Variants in EFNB2 observed in about 807,000 individuals in gnomAD.
EFNB2 encodes ephrin B2.
Under a neutral mutation model 32.1 loss-of-function variants are expected in EFNB2, and 5 were observed. That is an observed-to-expected ratio of 0.16 (90% CI 0.08 to 0.33). The LOEUF is 0.33. Ranked by LOEUF, EFNB2 falls within the 10% of genes least tolerant of loss-of-function variation. The probability of loss-of-function intolerance (pLI) is 1.00; values close to 1 mark genes in which losing one functional copy is unlikely to be tolerated. For missense variants in EFNB2, 263 were observed against 422.6 expected (o/e 0.62, Z 3.31); for synonymous variants, 168 against 166.5 (o/e 1.01, Z -0.07).
chr13:106,516,601 T>C (rs1879320166), intron 1 of EFNB2: 1 of 151,266 alleles, frequency 6.6e-6, no homozygotes, highest in Admixed American at 6.6e-5. Context: ...GGGAAACACA[T>C]TTTTTTCCCC....
chr13:106,522,186 T>G lies in EFNB2; in HGVS notation c.123-9374A>C, dbSNP rs542433457. On this transcript the variant is annotated intron_variant, in intron 1 of 4. Coordinates refer to ENST00000646441, the MANE Select transcript of EFNB2 (RefSeq NM_004093.4). ...AGTGGGCAAGTGAGAAGGGGGGTGA[T>G]CTCACAAATGCCAAATTTCATCCTG... Among the ~76,000 whole-genome samples, 90 of 152,170 alleles carry G rather than the reference T, an allele frequency of 5.9e-4. No individual in the cohort carries two copies. The Middle Eastern group carries it at 0.024, about 40-fold the overall frequency.
intron 4 of EFNB2, 101 bp downstream of exon 4, chr13:106,494,780 C>A: frequency 2.3e-6 from 2 of 859,900 alleles, no homozygotes; most frequent in Non-Finnish European, 3.8e-6. Context: ...TCCAGCTAAT[C>A]CTAACTGGTT....
rs1438993866 is a variant in EFNB2 at position 106,535,081 on chromosome 13, C to A, written c.-117G>T. 5 of 1,432,160 alleles carry A rather than the reference C, an allele frequency of 3.5e-6. No individual in the cohort carries two copies. Among genetic ancestry groups the A allele is most frequent in the Non-Finnish European group, 4.7e-6 (5 of 1,073,594 alleles). The allele number at this position is 1,432,160 out of a possible 1,614,324, so 88.7% of individuals were successfully genotyped here. On this transcript the variant is annotated 5_prime_UTR_variant, in exon 1 of 5. Transcript: ENST00000646441. Reference sequence around the variant, plus strand: ...GGGGAAGACGGCGTGCGCCCGCAGGCAGCTCCGAGGCGCGCTGCGCAGCTC... The same window carrying A: ...GGGGAAGACGGCGTGCGCCCGCAGGAAGCTCCGAGGCGCGCTGCGCAGCTC...
At chr13:106,523,338 A>C (rs560509076) in intron 1 of EFNB2, among the ~76,000 whole-genome samples, 1 of 152,308 alleles carries the variant, frequency 6.6e-6, no homozygotes, top group African/African-American at 2.4e-5. Flanking sequence ...AACTTTGAGG[A>C]CGACCCATTT....
intron 1 of EFNB2, chr13:106,520,776 T>TC (rs1398186994): frequency 6.6e-6 from 1 of 151,938 alleles, no homozygotes; most frequent in African/African-American, 2.4e-5. Context: ...TTTTTCCTTT[T>TC]TTGTGGATAG....
At chr13:106,534,175 C>T (rs552141245) in intron 1 of EFNB2, among the ~76,000 whole-genome samples, 43 of 152,290 alleles carry the variant, frequency 2.8e-4, no homozygotes, top group Non-Finnish European at 5.0e-4. Flanking sequence ...AAGCGGGAGG[C>T]CGAGGTGCGG....
chr13:106,508,171 G>C (rs1879021704), intron 2 of EFNB2, among the ~76,000 whole-genome samples: 2 of 152,136 alleles, frequency 1.3e-5, no homozygotes, highest in South Asian at 4.1e-4. Flanking sequence ...AGCTCTGGGT[G>C]TCGCCTCTGA....
rs776037405 is a variant in EFNB2, at chr13:106,494,874, G to A, written c.613+7C>T. 6.2e-7 allele frequency: 1 copy of A among 1,607,810 alleles called. No individual in the cohort carries two copies. Among genetic ancestry groups the A allele is most frequent in the Non-Finnish European group, 8.5e-7 (1 of 1,174,272 alleles). On this transcript the variant is annotated splice_region_variant and intron_variant, in intron 4 of 4. Transcript: ENST00000646441. The stretch of plus-strand genomic sequence containing the variant: ...GACCTCCATACACACAGATCATGCT[G>A]TTATACCTGGATTTGGTTTTACAAA...
intron 1 of EFNB2, chr13:106,519,605 G>A (rs1879430973): frequency 6.6e-6 from 1 of 152,132 alleles, no homozygotes; most frequent in South Asian, 2.1e-4. Context: ...GCTAATTTCA[G>A]TTGAAAATAT....
At chr13:106,508,110 G>A (rs1039882725) in intron 2 of EFNB2, among the ~76,000 whole-genome samples, 4 of 152,046 alleles carry the variant, frequency 2.6e-5, no homozygotes, top group African/African-American at 4.8e-5. Context: ...CAGAACCTTC[G>A]TAAGGACAGC....
rs1306458652 is a variant in EFNB2 at position 106,492,557 on chromosome 13, A to C, written c.*483T>G. On this transcript the variant is annotated 3_prime_UTR_variant, in exon 5 of 5. Transcript: ENST00000646441. The surrounding 1 kb of genome is among the most constrained non-coding windows in gnomAD (Gnocchi z 5.1). ...AGAACGAGTGAGACAGTAAGGACTA[A>C]ACTCTAGAGATCTTTGCACACCTTA... 6.3e-6 allele frequency: 1 copy of C among 159,940 alleles called. No individual in the cohort carries two copies. The highest frequency in any genetic ancestry group is 2.4e-5 in the African/African-American group (1 of 41,666). 9.9% of individuals were successfully genotyped at this position (159,940 alleles called of 1,614,324 possible).
At chr13:106,508,695 C>A (rs542977764) in intron 2 of EFNB2, among the ~76,000 whole-genome samples, 1 of 152,174 alleles carries the variant, frequency 6.6e-6, no homozygotes, top group Admixed American at 6.5e-5. Context: ...TCCAATAAAC[C>A]CATCAGAAAG....
Position 106,493,405 on chromosome 13 carries a change from C to T in EFNB2, c.637G>A (p.Ala213Thr), listed in dbSNP as rs763200557. Residue 213 changes from alanine to threonine, a missense_variant, in exon 5 of 5, where the codon GCC (alanine) becomes ACC (threonine). Around this residue, in one of 3 missense-constraint regions of EFNB2, gnomAD observed 172 missense variants for 237.1 expected, o/e 0.73. Transcript: ENST00000646441. The surrounding 1 kb of genome is among the most constrained non-coding windows in gnomAD (Gnocchi z 6.1). ...NPGSSTDGNSAGHSGNNILGS... is the reference protein window; with the variant it reads ...NPGSSTDGNSTGHSGNNILGS... ...AGGATGTTGTTCCCCGAATGTCCGG[C>T]GCTGTTGCCGTCTGTGCTAGAACCT... 39 of 1,612,940 alleles carry T rather than the reference C, an allele frequency of 2.4e-5. No individual in the cohort carries two copies. The highest frequency in any genetic ancestry group is 3.0e-5 in the Non-Finnish European group (35 of 1,179,212).
At chr13:106,519,874 A>G (rs1879441998) in intron 1 of EFNB2, 1 of 152,238 alleles carries the variant, frequency 6.6e-6, no homozygotes, top group Non-Finnish European at 1.5e-5. Context: ...TTTAAAAATA[A>G]GCATTTAAAA....
chr13:106,531,548 T>C (rs1261336752), intron 1 of EFNB2, among the ~76,000 whole-genome samples: 1 of 152,210 alleles, frequency 6.6e-6, no homozygotes, highest in South Asian at 2.1e-4. Flanking sequence ...AAAATAAGAA[T>C]TTCAGACACA....
rs760096878 is a variant in EFNB2 at position 106,493,334 on chromosome 13, G to A, written c.708C>T (p.Ile236=). The change falls in exon 5 of 5, where the codon ATC becomes ATT. Residue 236 remains isoleucine (I), a synonymous_variant. Coordinates refer to ENST00000646441, the MANE Select transcript of EFNB2 (RefSeq NM_004093.4). The surrounding 1 kb of genome is among the most constrained non-coding windows in gnomAD (Gnocchi z 6.1). The part of the protein sequence containing the change: ...ALFAGIASGC[I]IFIVIIITLV... ...GCGTGATGATGATGACGATGAAGAT[G>A]ATGCATCCTGAAGCAATCCCTGCAA... The A allele has an allele frequency of 6.2e-7, 1 of 1,614,170 alleles. No homozygotes were observed. The highest frequency in any genetic ancestry group is 2.2e-5 in the East Asian group (1 of 44,874).
rs114479097 is a variant in EFNB2 at position 106,523,556 on chromosome 13, C to T, written c.123-10744G>A. On this transcript the variant is annotated intron_variant, in intron 1 of 4. Transcript: ENST00000646441. The stretch of plus-strand genomic sequence containing the variant: ...TTGGTTGTTGGAGACCTCTGGCCGG[C>T]GGCTGCATGGTCTCCAGGTAAGCAG... Among the ~76,000 whole-genome samples the T allele has an allele frequency of 2.6e-5, 4 of 152,256 alleles. No individual in the cohort carries two copies. The South Asian group carries it at 8.3e-4, about 32-fold the overall frequency.
intron 1 of EFNB2, among the ~76,000 whole-genome samples, chr13:106,531,747 G>A (rs192415954): frequency 1.3e-3 from 201 of 149,652 alleles, no homozygotes; most frequent in Non-Finnish European, 2.6e-3. Flanking sequence ...TTAGTATCAG[G>A]AATCCAGTAT....
chr13:106,529,239 TC>T (rs1879796725), intron 1 of EFNB2, among the ~76,000 whole-genome samples: 1 of 152,070 alleles, frequency 6.6e-6, no homozygotes, highest in South Asian at 2.1e-4. Context: ...GCCCTACCTA[TC>T]CCCTCTGGTC....
Sources: allele counts gnomAD v4.1 joint callset (sites outside exome capture counted in the v4.1 genomes callset), GRCh38; gene constraint gnomAD v4.1.1; regional missense constraint gnomAD v4.1.1; non-coding constraint Gnocchi (gnomAD v3.1); transcripts MANE v1.5; gene names NCBI Gene and HGNC (gene_info 2026-07-23, HGNC 2026-07-21).